The following CLIC5 variants were observed in gnomAD, a reference collection of about 807,000 sequenced individuals.
CLIC5 encodes chloride intracellular channel protein 5.
Under a neutral mutation model 24.7 loss-of-function variants are expected in CLIC5, and 20 were observed. The observed-to-expected ratio is 0.81, with a 90% CI of 0.57 to 1.18. The LOEUF is 1.18. Among genes scored for constraint, CLIC5 ranks in the 50% most tolerant of loss-of-function variants. The pLI is 0.00. For synonymous variants in CLIC5, 159 were observed against 135.6 expected, an observed-to-expected ratio of 1.17 and a Z score of -1.20; for missense variants, 341 against 326.1, an observed-to-expected ratio of 1.05 and a Z score of -0.35.
chr6:45,908,547 A>G (rs556938599), intron 5 of CLIC5, among the ~76,000 whole-genome samples: 164 of 152,166 alleles, frequency 1.1e-3, no homozygotes, highest in African/African-American at 3.8e-3. Flanking sequence ...GTAATTCAGG[A>G]GTGAGTTGTT....
At chr6:45,907,634 C>T (rs1762697552) in intron 5 of CLIC5, among the ~76,000 whole-genome samples, 1 of 152,152 alleles carries the variant, frequency 6.6e-6, no homozygotes, top group South Asian at 2.1e-4. Flanking sequence ...TAAAATTCAG[C>T]TGTGAATCCA....
At chr6:45,904,868 T>G (rs76974787) in intron 5 of CLIC5, among the ~76,000 whole-genome samples, 3,363 of 151,552 alleles carry the variant, frequency 0.022, 122 homozygotes, top group African/African-American at 0.077. Context: ...TTTTCTACAC[T>G]TGCCCCCTCC....
the CLIC5 span, among the ~76,000 whole-genome samples, chr6:46,107,953 G>GAA: frequency 2.1e-5 from 3 of 146,214 alleles, no homozygotes; most frequent in African/African-American, 5.1e-5. Flanking sequence ...AGAATTGCTT[G>GAA]AACCCAGGAG....
the CLIC5 span, among the ~76,000 whole-genome samples, chr6:46,120,265 G>A: frequency 6.6e-6 from 1 of 152,204 alleles, no homozygotes; most frequent in Non-Finnish European, 1.5e-5. Context: ...AGCAACATTT[G>A]CTGTTCAGCA....
At chr6:45,929,861 G>A (rs1763658762) in intron 4 of CLIC5, among the ~76,000 whole-genome samples, 1 of 152,224 alleles carries the variant, frequency 6.6e-6, no homozygotes, top group Non-Finnish European at 1.5e-5. Context: ...CATTCCTGCT[G>A]CTTTTTACAC....
the CLIC5 span, among the ~76,000 whole-genome samples, chr6:46,120,121 G>A: frequency 6.6e-6 from 1 of 152,244 alleles, no homozygotes. Flanking sequence ...TCTGAGAATG[G>A]ACAGACTGCC....
At chr6:46,064,936 G>A (rs1762400272) in intron 1 of CLIC5, among the ~76,000 whole-genome samples, 1 of 141,852 alleles carries the variant, frequency 7.0e-6, no homozygotes, top group African/African-American at 2.6e-5. Flanking sequence ...TGATAAATGG[G>A]TTTCACCGAA....
intron 1 of CLIC5, among the ~76,000 whole-genome samples, chr6:46,056,445 C>T (rs992850813): frequency 6.6e-6 from 1 of 152,112 alleles, no homozygotes; most frequent in African/African-American, 2.4e-5. Flanking sequence ...CACCACTGCA[C>T]CCCCGACAAA....
chr6:46,113,055 C>CA, the CLIC5 span, among the ~76,000 whole-genome samples: 1 of 151,772 alleles, frequency 6.6e-6, no homozygotes, highest in South Asian at 2.1e-4. Flanking sequence ...GAATCTGTCT[C>CA]AAAAAACAAA....
In CLIC5 at chr6:45,902,029, G is replaced by C. The variant is rs2127293008; in HGVS notation, c.*1059C>G. On this transcript the variant is annotated 3_prime_UTR_variant, in exon 6 of 6. Coordinates refer to ENST00000339561, the MANE Select transcript of CLIC5 (RefSeq NM_016929.5). Reference sequence around the variant, plus strand: ...AGAAGCAGCTTGGAGAAACTGGGAAGACATTTTTGACCCATTCTTGGGTTT... The same window carrying C: ...AGAAGCAGCTTGGAGAAACTGGGAACACATTTTTGACCCATTCTTGGGTTT... 1 of 152,798 alleles carries C rather than the reference G, an allele frequency of 6.5e-6. No homozygotes were observed. The highest frequency in any genetic ancestry group is 1.5e-5 in the Non-Finnish European group (1 of 68,066). The allele number at this position is 152,798 out of a possible 1,614,324, so 9.5% of individuals were successfully genotyped here. A position where few individuals can be genotyped will look rare whatever the true frequency, so the allele number is the denominator to read the frequency against.
chr6:45,924,912 A>C (rs1267725740), intron 4 of CLIC5, among the ~76,000 whole-genome samples: 1 of 152,200 alleles, frequency 6.6e-6, no homozygotes, highest in East Asian at 1.9e-4. Context: ...CTTCTGGGAA[A>C]GATAAGATAG....
chr6:45,920,245 G>A, intron 4 of CLIC5: 1 of 983,982 alleles, frequency 1.0e-6, no homozygotes, highest in Non-Finnish European at 1.2e-6. Context: ...GAGTAGAGGG[G>A]CAACCATGAC....
the CLIC5 span, chr6:46,123,172 A>G: frequency 6.6e-6 from 1 of 152,254 alleles, no homozygotes; most frequent in African/African-American, 2.4e-5. Context: ...ATATCAATGC[A>G]AAAATCCTCA....
intron 5 of CLIC5, 82 bp downstream of exon 5, chr6:45,914,146 T>G: frequency 8.7e-7 from 1 of 1,145,326 alleles, no homozygotes; most frequent in Non-Finnish European, 1.2e-6. Context: ...CAGGTGGTAC[T>G]GTCCTTGACT....
chr6:45,881,350 C>T (rs1253348437), intron 6 of CLIC5, among the ~76,000 whole-genome samples: 1 of 152,132 alleles, frequency 6.6e-6, no homozygotes, highest in African/African-American at 2.4e-5. Context: ...GTAAAGGTAA[C>T]TAATGGAGAG....
chr6:46,068,589 AC>A (rs921353158), intron 1 of CLIC5, among the ~76,000 whole-genome samples: 2 of 151,916 alleles, frequency 1.3e-5, no homozygotes, highest in African/African-American at 2.4e-5. Context: ...TTGTATACAT[AC>A]CCCCCAAGTT....
chr6:45,904,230 A>G (rs1479526788), intron 5 of CLIC5, among the ~76,000 whole-genome samples: 1 of 152,210 alleles, frequency 6.6e-6, no homozygotes, highest in African/African-American at 2.4e-5. Context: ...TTGGAGTAAT[A>G]AATTAGTTAA....
At chr6:45,982,572 C>T (rs1765601831) in intron 1 of CLIC5, among the ~76,000 whole-genome samples, 1 of 152,040 alleles carries the variant, frequency 6.6e-6, no homozygotes, top group South Asian at 2.1e-4. Flanking sequence ...ATATTGAACA[C>T]CGTAGGCAAC....
intron 1 of CLIC5, among the ~76,000 whole-genome samples, chr6:46,073,592 C>T (rs1762680520): frequency 6.6e-6 from 1 of 152,186 alleles, no homozygotes; most frequent in East Asian, 1.9e-4. Context: ...GCTTGCTGTC[C>T]TAAACATTGT....
Sources: allele counts gnomAD v4.1 joint callset (sites outside exome capture counted in the v4.1 genomes callset), GRCh38; gene constraint gnomAD v4.1.1; transcripts MANE v1.5; gene names NCBI Gene and HGNC (gene_info 2026-07-23, HGNC 2026-07-21).